GZF1: variants seen among roughly 807,000 people sequenced by gnomAD.
GZF1 encodes the protein GDNF-inducible zinc finger protein 1.
In GZF1, 28 loss-of-function variants were observed where a neutral mutation model predicts 49.4. That is an observed-to-expected ratio of 0.57 (90% CI 0.42 to 0.78). The LOEUF (loss-of-function observed/expected upper bound fraction) is 0.78, where lower values mean the gene tolerates loss of function less well. Ranked by LOEUF, GZF1 falls within the 30% of genes least tolerant of loss-of-function variation. GZF1 has a pLI of 0.00. For missense variants in GZF1, 798 were observed against 916.2 expected (o/e 0.87, Z 1.67); for synonymous variants, 364 against 356.0 (o/e 1.02, Z -0.25).
chr20:23,366,859 G>GA, intron 2 of GZF1, 144 bp from the exon 3 acceptor site: 2 of 653,180 alleles, frequency 3.1e-6, no homozygotes, highest in Non-Finnish European at 5.5e-6. Context: ...TTGGGATGGA[G>GA]ATTATGGGCT....
intron 3 of GZF1, 134 bp downstream of exon 3, chr20:23,367,231 G>C: frequency 1.6e-6 from 1 of 640,584 alleles, no homozygotes; most frequent in Non-Finnish European, 2.8e-6. Flanking sequence ...TCTAGTAAGT[G>C]AGCAAAATGA....
At position 23,365,350 on chromosome 20, in the gene GZF1, G is replaced by A. The variant is rs756328332; in HGVS notation, c.967G>A (p.Glu323Lys). 1 of 1,611,524 alleles carries A rather than the reference G, an allele frequency of 6.2e-7. No individual in the cohort carries two copies. The highest frequency in any genetic ancestry group is 8.5e-7 in the Non-Finnish European group (1 of 1,178,484). Reference sequence around the variant, plus strand: ...GAGCAACTTTAAGTGCAGCATTTGCGAGAAGGCGTTTCTGTATGAGAAGAG... The same window carrying A: ...GAGCAACTTTAAGTGCAGCATTTGCAAGAAGGCGTTTCTGTATGAGAAGAG... ...KKSNFKCSIC[E>K]KAFLYEKSFL... Residue 323 changes from glutamate (E) to lysine (K), a missense_variant, in exon 2 of 6, where the codon GAG becomes AAG. By Grantham distance (56) the Glu-to-Lys change is moderately conservative. This residue lies in a region of GZF1 where 446 missense variants were observed against 540.1 expected (regional missense o/e 0.83). Coordinates refer to ENST00000338121, the MANE Select transcript of GZF1 (RefSeq NM_022482.5).
At chr20:23,361,630 C>A (rs1333062495), upstream of GZF1, among the ~76,000 whole-genome samples, 1 of 152,198 alleles carries the variant, frequency 6.6e-6, no homozygotes, top group Admixed American at 6.5e-5. Flanking sequence ...TTCTCCAGCG[C>A]CCGTGGAGGC....
chr20:23,370,494 A>G lies in GZF1; in HGVS notation c.*53A>G, dbSNP rs1221610258. The G allele has an allele frequency of 2.6e-6, 3 of 1,154,522 alleles. No individual in the cohort carries two copies. Among genetic ancestry groups the G allele is most frequent in the Admixed American group, 4.0e-5 (2 of 49,770 alleles). 71.5% of individuals were successfully genotyped at this position (1,154,522 alleles called of 1,614,324 possible). A position where few individuals can be genotyped will look rare whatever the true frequency, so the allele number is the denominator to read the frequency against. On this transcript the variant is annotated 3_prime_UTR_variant, in exon 6 of 6. Coordinates refer to ENST00000338121, the MANE Select transcript of GZF1 (RefSeq NM_022482.5). ...GTCTGCGTGTGTGGTAGCTGAACTC[A>G]AGATGATGTGGGGCTAAGAAAAATA...
At chr20:23,368,708 C>T (rs1981698383) in intron 3 of GZF1, 54 bp from the exon 4 acceptor site, 2 of 1,439,882 alleles carry the variant, frequency 1.4e-6, no homozygotes, top group Non-Finnish European at 1.9e-6. Flanking sequence ...CCTACTGTTC[C>T]ATGTGTTTTT....
rs375809914 is a variant in GZF1, at chr20:23,364,907, G to T, written c.524G>T (p.Ser175Ile). Residue 175 changes from serine (S) to isoleucine (I), a missense_variant, in exon 2 of 6, where the codon AGT (serine) becomes ATT (isoleucine). Physicochemically the swap from Ser to Ile is moderately radical, Grantham distance 142 (BLOSUM62 -2). Coordinates refer to ENST00000338121, the MANE Select transcript of GZF1 (RefSeq NM_022482.5). ...GTGGCCACCGATGGCCCTCACCCCA[G>T]TGGTCTCACGGATTCCTTGGACTAC... ...ASVATDGPHP[S>I]GLTDSLDYPG... The T allele has an allele frequency of 1.3e-5, 21 of 1,614,238 alleles. No homozygotes were observed. The highest frequency in any genetic ancestry group is 3.3e-4 in the Middle Eastern group (2 of 6,062).
chr20:23,364,459 C>T lies in GZF1; in HGVS notation c.76C>T (p.Leu26Phe). 6.2e-7 allele frequency: 1 copy of T among 1,614,160 alleles called. No individual in the cohort carries two copies. The change falls in exon 2 of 6, where the codon CTC (leucine) becomes TTC (phenylalanine). Residue 26 changes from leucine (L) to phenylalanine (F), a missense_variant. Leu to Phe is a conservative substitution (Grantham distance 22). Around this residue, in one of 3 missense-constraint regions of GZF1, gnomAD observed 105 missense variants for 147.5 expected, o/e 0.71. Transcript: ENST00000338121. ...ACTGCATGAGATGCATGAGCTTCGC[C>T]TCCTGGGTCACCTGTGTGACGTGAC... is the stretch of plus-strand genomic sequence containing the variant. ...NLLHEMHELR[L>F]LGHLCDVTVS...
rs1158428458 is a variant in GZF1, at chr20:23,365,224, G to T, written c.841G>T (p.Gly281Cys). ...GATGGAGCAGGTTTCCAAAAATGAG[G>T]GTTGCCAGGCAGGTGCTGAGTTGGA... ...TEMEQVSKNE[G>C]CQAGAELEEL... Residue 281 changes from glycine (G) to cysteine (C), a missense_variant, in exon 2 of 6, where the codon GGT (glycine) becomes TGT (cysteine). Physicochemically the swap from Gly to Cys is radical, Grantham distance 159. This residue lies in a region of GZF1 where 247 missense variants were observed against 228.5 expected (regional missense o/e 1.08). Transcript: ENST00000338121. The T allele has an allele frequency of 6.2e-6, 10 of 1,602,716 alleles. 2 individuals carry two copies.
Position 23,365,599 on chromosome 20 carries a change from CGGCACCGCTGCGGCCA to C in GZF1, c.1218_1233del (p.His407AlafsTer5). On this transcript the variant is annotated frameshift_variant, in exon 2 of 6. Coordinates refer to ENST00000338121, the MANE Select transcript of GZF1 (RefSeq NM_022482.5). LOFTEE classifies it high-confidence loss of function. ...GCAGGTGCATGAGGGCGGCGGCGAG[CGGCACCGCTGCGGCCA>C]GTGCGGCAAGGGCCTGAGTTCCAAG... The C allele has an allele frequency of 6.2e-7, 1 of 1,608,218 alleles. No homozygotes were observed. Among genetic ancestry groups the C allele is most frequent in the Non-Finnish European group, 8.5e-7 (1 of 1,179,442 alleles).
chr20:23,361,367 A>C (rs1188062976), upstream of GZF1, among the ~76,000 whole-genome samples: 1 of 152,270 alleles, frequency 6.6e-6, no homozygotes, highest in East Asian at 1.9e-4. Context: ...TGGTGGAAAC[A>C]GCAAGATTTC....
chr20:23,362,966 C>T (rs1167285017), intron 1 of GZF1: 1 of 152,236 alleles, frequency 6.6e-6, no homozygotes, highest in Non-Finnish European at 1.5e-5. Context: ...ACCCCAGTGG[C>T]TCTATAAGAG....
At position 23,370,246 on chromosome 20, in the gene GZF1, C is replaced by T; in HGVS notation, c.1941C>T (p.Phe647=). The T allele has an allele frequency of 6.2e-7, 1 of 1,614,192 alleles. No homozygotes were observed. The highest frequency in any genetic ancestry group is 1.3e-5 in the African/African-American group (1 of 75,046). Residue 647 remains phenylalanine, a synonymous_variant, in exon 6 of 6, where the codon TTC becomes TTT. Transcript: ENST00000338121. ...TGTCTTTTGCAGAAAATGGCCATTT[C>T]CACAACCTGGCTGCAGTCCAAGACA... The part of the protein sequence containing the change: ...KLLSFAENGH[F]HNLAAVQDTV...
Position 23,370,290 on chromosome 20 carries a change from A to AG in GZF1, c.1986dup (p.Asn663GlufsTer5). 1 of 1,614,196 alleles carries AG rather than the reference A, an allele frequency of 6.2e-7. No individual in the cohort carries two copies. Among genetic ancestry groups the AG allele is most frequent in the Middle Eastern group, 1.6e-4 (1 of 6,062 alleles). On this transcript the variant is annotated frameshift_variant, in exon 6 of 6. Coordinates refer to ENST00000338121, the MANE Select transcript of GZF1 (RefSeq NM_022482.5). LOFTEE classifies it low-confidence loss of function (END_TRUNC). ...CAAGACACTGTACCTACCATGCAGG[A>AG]GAACAGTTCTGCTGACACAGCCTGC...
chr20:23,362,764 C>T (rs1243478816), intron 1 of GZF1: 2 of 152,290 alleles, frequency 1.3e-5, no homozygotes, highest in Non-Finnish European at 2.9e-5. Context: ...GCAGACTGCC[C>T]TGTCGCCACC....
In GZF1 at chr20:23,367,072, G is replaced by A; in HGVS notation, c.1434G>A (p.Leu478=). The A allele has an allele frequency of 6.2e-7, 1 of 1,611,994 alleles. No individual in the cohort carries two copies. Among genetic ancestry groups the A allele is most frequent in the Non-Finnish European group, 8.5e-7 (1 of 1,178,760 alleles). Residue 478 remains leucine, a synonymous_variant, in exon 3 of 6, where the codon CTG becomes CTA. Coordinates refer to ENST00000338121, the MANE Select transcript of GZF1 (RefSeq NM_022482.5). ...CAAGATTCACTCAGAACCACATGCTGATTTATCATAAAAGGTGTCACACAG... is the reference window on the plus strand; with the variant it reads ...CAAGATTCACTCAGAACCACATGCTAATTTATCATAAAAGGTGTCACACAG... ...CGARFTQNHM[L]IYHKRCHTGE...
In GZF1 at chr20:23,370,544, CAAG is replaced by C; in HGVS notation, c.*106_*108del. 1.3e-6 allele frequency: 1 copy of C among 766,334 alleles called. No individual in the cohort carries two copies. The highest frequency in any genetic ancestry group is 2.7e-5 in the East Asian group (1 of 37,406). 47.5% of individuals were successfully genotyped at this position (766,334 alleles called of 1,614,324 possible). A position where few individuals can be genotyped will look rare whatever the true frequency, so the allele number is the denominator to read the frequency against. ...AATTGTCCATGTGCAAAGATGTGGGCAAGAATGGCCTCTGCAGATTTTCCTGAA... is the reference window on the plus strand; with the variant it reads ...AATTGTCCATGTGCAAAGATGTGGGCAATGGCCTCTGCAGATTTTCCTGAA... On this transcript the variant is annotated 3_prime_UTR_variant, in exon 6 of 6. Transcript: ENST00000338121.
At position 23,369,590 on chromosome 20, in the gene GZF1, GTC is replaced by G; in HGVS notation, c.1635_1636del (p.Pro546LeufsTer4). 6.2e-7 allele frequency: 1 copy of G among 1,609,938 alleles called. No individual in the cohort carries two copies. On this transcript the variant is annotated frameshift_variant, in exon 5 of 6. Coordinates refer to ENST00000338121, the MANE Select transcript of GZF1 (RefSeq NM_022482.5). LOFTEE classifies it high-confidence loss of function. ...TCCTCTCTCCCTGCCTCAGGGGAGC[GTC>G]CCTACTGCTGTGACCAGTGCGGCAA...
intron 3 of GZF1, 23 bp downstream of exon 3, chr20:23,367,120 T>C (rs372305645): frequency 7.6e-6 from 11 of 1,456,220 alleles, no homozygotes; most frequent in African/African-American, 2.8e-5. Context: ...GCTGTTGTGA[T>C]TGAATGTCTT....
At chr20:23,368,215 T>G (rs986486098) in intron 3 of GZF1, among the ~76,000 whole-genome samples, 11 of 80,040 alleles carry the variant, frequency 1.4e-4, no homozygotes, top group African/African-American at 4.0e-4. Context: ...AAAGTCACTA[T>G]TTTTATTTTG....
Sources: gnomAD v4.1 joint callset for allele counts (sites outside exome capture counted in the v4.1 genomes callset) on GRCh38, gnomAD v4.1.1 for gene constraint, gnomAD v4.1.1 regional missense constraint, MANE v1.5 for transcripts, NCBI Gene and HGNC (gene_info 2026-07-23, HGNC 2026-07-21) for gene names.